AK9: variants seen among roughly 807,000 people sequenced by gnomAD.
AK9 encodes the protein adenylate kinase domain containing 1.
In AK9, 191 loss-of-function variants were observed where a neutral mutation model predicts 239.6. That is an observed-to-expected ratio of 0.80 (90% confidence interval 0.71 to 0.90). The LOEUF (loss-of-function observed/expected upper bound fraction) is 0.90. AK9 is among the 40% of genes least tolerant of loss of function. The pLI is 0.00. For synonymous variants in AK9, 689 were observed against 721.0 expected, an observed-to-expected ratio of 0.96 and a Z score of 0.71; for missense variants, 1,995 against 2,214.7, an observed-to-expected ratio of 0.90 and a Z score of 1.99.
At chr6:109,585,473 T>G (rs1423015877) in intron 18 of AK9, among the ~76,000 whole-genome samples, 1 of 152,128 alleles carries the variant, frequency 6.6e-6, no homozygotes, top group African/African-American at 2.4e-5. Flanking sequence ...AGGTAGTATA[T>G]TATATTTTTC....
Position 109,675,771 on chromosome 6 carries a change from G to A in AK9, c.-11-15C>T, listed in dbSNP as rs749368571. ...GACACAAAATACTACAATAAAAAAG[G>A]GTAAGATTGTTAACTTGTCTAATTT... On this transcript the variant is annotated splice_polypyrimidine_tract_variant and intron_variant, in intron 1 of 40. Transcript: ENST00000424296. 44 of 1,437,146 alleles carry A rather than the reference G, an allele frequency of 3.1e-5. No individual in the cohort carries two copies. Among genetic ancestry groups the A allele is most frequent in the Non-Finnish European group, 4.1e-5 (43 of 1,047,396 alleles). 89.0% of individuals were successfully genotyped at this position (1,437,146 alleles called of 1,614,324 possible).
At chr6:109,558,015 C>A (rs762056242) in intron 24 of AK9, among the ~76,000 whole-genome samples, 13 of 151,986 alleles carry the variant, frequency 8.6e-5, no homozygotes, top group Non-Finnish European at 1.8e-4. Flanking sequence ...TTTCATGTAC[C>A]TATTAGCCAT....
chr6:109,636,783 C>CACACACACACACA (rs1554278039), intron 10 of AK9, among the ~76,000 whole-genome samples: 28 of 145,058 alleles, frequency 1.9e-4, no homozygotes, highest in South Asian at 9.0e-4. Flanking sequence ...CACACACACA[C>CACACACACACACA]CACATTTTAT....
At chr6:109,606,121 A>G (rs1367727275) in intron 17 of AK9, among the ~76,000 whole-genome samples, 1 of 152,176 alleles carries the variant, frequency 6.6e-6, no homozygotes, top group Non-Finnish European at 1.5e-5. Context: ...TAACATTTTT[A>G]TACATTACTC....
At chr6:109,611,706 A>C (rs1793604456) in intron 16 of AK9, among the ~76,000 whole-genome samples, 1 of 151,968 alleles carries the variant, frequency 6.6e-6, no homozygotes, top group South Asian at 2.1e-4. Flanking sequence ...TGATGGCTGG[A>C]GCTCCAGCAG....
In AK9 at chr6:109,495,433, G is replaced by A. The variant is rs372963506; in HGVS notation, c.5323C>T (p.Leu1775=). The change falls in exon 39 of 41, where the codon CTG becomes TTG. Residue 1775 remains leucine (L), a synonymous_variant. Coordinates refer to ENST00000424296, the MANE Select transcript of AK9 (RefSeq NM_001145128.3). ...EKLQKFLRSP[L]KYWEQKLPHK... is the part of the protein sequence containing the mutation. ...GGAAGCTTCTGTTCCCAGTATTTCA[G>A]TGGCGACCTAAGAACACAAAGTTCA... is the stretch of plus-strand genomic sequence containing the variant. 131 of 1,612,686 alleles carry A rather than the reference G, an allele frequency of 8.1e-5. No homozygotes were observed. In the African/African-American group the frequency reaches 1.6e-3, roughly 20 times the overall value.
intron 8 of AK9, among the ~76,000 whole-genome samples, chr6:109,644,968 A>G (rs945361049): frequency 2.6e-5 from 4 of 152,164 alleles, no homozygotes; most frequent in African/African-American, 9.7e-5. Flanking sequence ...ATCTATCTGC[A>G]TATGTTCATA....
chr6:109,515,010 G>A (rs1779129285), intron 31 of AK9, among the ~76,000 whole-genome samples: 1 of 152,172 alleles, frequency 6.6e-6, no homozygotes, highest in Non-Finnish European at 1.5e-5. Flanking sequence ...GCCACGTGGG[G>A]ACACAGATAG....
At chr6:109,628,752 G>T (rs1035242578) in intron 12 of AK9, among the ~76,000 whole-genome samples, 2 of 152,154 alleles carry the variant, frequency 1.3e-5, no homozygotes, top group East Asian at 3.9e-4. Flanking sequence ...TGACAACTCA[G>T]TGGAAAACTT....
At chr6:109,629,057 A>T (rs1193180578) in intron 12 of AK9, among the ~76,000 whole-genome samples, 1 of 152,142 alleles carries the variant, frequency 6.6e-6, no homozygotes, top group Non-Finnish European at 1.5e-5. Context: ...AACAAAAATT[A>T]TTATTTCAGT....
intron 24 of AK9, among the ~76,000 whole-genome samples, chr6:109,550,721 A>G (rs901576563): frequency 2.4e-4 from 37 of 152,244 alleles, no homozygotes; most frequent in African/African-American, 8.4e-4. Context: ...TTACTTTGGT[A>G]TTAAGTGGAT....
At chr6:109,577,431 T>C (rs1269972905) in intron 20 of AK9, among the ~76,000 whole-genome samples, 1 of 151,544 alleles carries the variant, frequency 6.6e-6, no homozygotes, top group Admixed American at 6.6e-5. Context: ...AACAGGGATA[T>C]TGGTCTGGTT....
At chr6:109,641,368 T>TTTTTTA in intron 10 of AK9, 150 bp downstream of exon 10, 1 of 339,188 alleles carries the variant, frequency 2.9e-6, no homozygotes, top group Non-Finnish European at 5.2e-6. Flanking sequence ...TTTTTTTTTT[T>TTTTTTA]GTAGAGATGG....
At chr6:109,563,245 TG>T (rs1256114134) in intron 24 of AK9, among the ~76,000 whole-genome samples, 4 of 152,164 alleles carry the variant, frequency 2.6e-5, no homozygotes, top group African/African-American at 7.2e-5. Context: ...AGGGAGTGGA[TG>T]GGGCCTGAAT....
At chr6:109,659,130 A>G in intron 7 of AK9, 98 bp downstream of exon 7, 2 of 1,338,518 alleles carry the variant, frequency 1.5e-6, no homozygotes, top group Non-Finnish European at 2.0e-6. Context: ...AAGAAAATGT[A>G]TAGCATCTAC....
At chr6:109,536,570 C>T (rs1309304998) in intron 27 of AK9, among the ~76,000 whole-genome samples, 4 of 152,222 alleles carry the variant, frequency 2.6e-5, no homozygotes, top group Non-Finnish European at 5.9e-5. Context: ...TTGACTTCCT[C>T]TTTTCCTAAC....
intron 28 of AK9, among the ~76,000 whole-genome samples, chr6:109,529,520 G>A (rs1281558448): frequency 6.6e-6 from 1 of 151,880 alleles, no homozygotes; most frequent in African/African-American, 2.4e-5. Context: ...CCGAAGATGG[G>A]GATTGTTTTG....
intron 35 of AK9, among the ~76,000 whole-genome samples, chr6:109,502,746 G>T (rs9487129): frequency 0.028 from 4,302 of 152,274 alleles, 211 homozygotes; most frequent in African/African-American, 0.097. Context: ...GTGGCCTCTG[G>T]CCAATAGCAG....
chr6:109,574,283 A>T (rs1239063246), intron 20 of AK9, among the ~76,000 whole-genome samples: 1 of 152,160 alleles, frequency 6.6e-6, no homozygotes, highest in East Asian at 1.9e-4. Context: ...GCTTAGCAGG[A>T]GAATCGCTTG....
Sources: allele counts gnomAD v4.1 joint callset (sites outside exome capture counted in the v4.1 genomes callset), GRCh38; gene constraint gnomAD v4.1.1; transcripts MANE v1.5; gene names NCBI Gene and HGNC (gene_info 2026-07-23, HGNC 2026-07-21).